The following DLG2 variants were observed in gnomAD, a reference collection of about 807,000 sequenced individuals.
DLG2 encodes the protein discs large MAGUK scaffold protein 2.
A neutral mutation model predicts 132.5 loss-of-function variants in DLG2; 45 were observed. The ratio of observed to expected loss-of-function variants is 0.34; its 90% CI spans 0.27 to 0.44. The LOEUF is 0.44. Among genes scored for constraint, DLG2 ranks in the 20% least tolerant of loss-of-function variants. DLG2 has a pLI of 1.00. For missense variants in DLG2, 1,045 were observed against 1,196.9 expected, an observed-to-expected ratio of 0.87 and a Z score of 1.87; for synonymous variants, 424 against 419.6, an observed-to-expected ratio of 1.01 and a Z score of -0.13.
chr11:83,596,716 C>T (rs539001643), intron 19 of DLG2, among the ~76,000 whole-genome samples: 7 of 152,188 alleles, frequency 4.6e-5, no homozygotes, highest in African/African-American at 9.6e-5. Flanking sequence ...GCAGTTTCCA[C>T]GTTTTAATCC....
intron 7 of DLG2, among the ~76,000 whole-genome samples, chr11:84,531,406 G>A (rs1333598261): frequency 6.6e-6 from 1 of 152,102 alleles, no homozygotes; most frequent in Non-Finnish European, 1.5e-5. Context: ...GAAATAATCT[G>A]CACACCAAAC....
chr11:84,911,785 T>G (rs1338875636), intron 6 of DLG2, among the ~76,000 whole-genome samples: 1 of 152,216 alleles, frequency 6.6e-6, no homozygotes, highest in Non-Finnish European at 1.5e-5. Flanking sequence ...TTTTCAGGAT[T>G]AGTGACCTCT....
chr11:84,358,557 A>C (rs2098631450), intron 7 of DLG2, among the ~76,000 whole-genome samples: 1 of 151,788 alleles, frequency 6.6e-6, no homozygotes, highest in Admixed American at 6.6e-5. Context: ...TGAGGTGGTA[A>C]CTTCTCTCTA....
At chr11:84,688,655 C>A (rs1438645119) in intron 6 of DLG2, among the ~76,000 whole-genome samples, 1 of 152,138 alleles carries the variant, frequency 6.6e-6, no homozygotes, top group Non-Finnish European at 1.5e-5. Context: ...GTATACTATA[C>A]ACTTAAAATT....
chr11:85,387,608 G>A (rs1178600755), intron 3 of DLG2, among the ~76,000 whole-genome samples: 2 of 152,188 alleles, frequency 1.3e-5, no homozygotes, highest in South Asian at 2.1e-4. Context: ...ACAGCTGTCA[G>A]TAAGTCAAAT....
chr11:85,355,256 T>G (rs929190071), intron 3 of DLG2, among the ~76,000 whole-genome samples: 2 of 152,172 alleles, frequency 1.3e-5, no homozygotes, highest in African/African-American at 4.8e-5. Context: ...AAGATTTGAT[T>G]AGCACTTTTA....
intron 7 of DLG2, among the ~76,000 whole-genome samples, chr11:84,518,594 A>C (rs776204434): frequency 3.8e-4 from 58 of 152,148 alleles, no homozygotes; most frequent in Non-Finnish European, 8.1e-4. Flanking sequence ...AGCTCTCAAA[A>C]CTGTCAGCAT....
chr11:83,982,331 G>A (rs1170130400), intron 11 of DLG2, among the ~76,000 whole-genome samples: 1 of 152,024 alleles, frequency 6.6e-6, no homozygotes, highest in Non-Finnish European at 1.5e-5. Context: ...GATCCATGCT[G>A]TAACATTTTA....
At chr11:83,859,926 G>C (rs1433013431) in intron 16 of DLG2, among the ~76,000 whole-genome samples, 1 of 152,198 alleles carries the variant, frequency 6.6e-6, no homozygotes, top group African/African-American at 2.4e-5. Context: ...GGCCAAGGTA[G>C]AGCTTGGGCC....
At chr11:84,613,024 A>G (rs1235211839) in intron 6 of DLG2, among the ~76,000 whole-genome samples, 1 of 152,190 alleles carries the variant, frequency 6.6e-6, no homozygotes, top group East Asian at 1.9e-4. Context: ...AAATGCAAAT[A>G]TAAATGATCA....
chr11:85,205,104 T>G (rs541536691), intron 4 of DLG2, among the ~76,000 whole-genome samples: 44 of 149,664 alleles, frequency 2.9e-4, no homozygotes, highest in Admixed American at 8.7e-4. Flanking sequence ...CATCAGTGAA[T>G]TAATGGATAA....
intron 18 of DLG2, chr11:83,693,771 T>C (rs2081398982): frequency 6.6e-6 from 1 of 152,082 alleles, no homozygotes; most frequent in African/African-American, 2.4e-5. Flanking sequence ...AGTCATTCTT[T>C]AGAAAAGGTG....
intron 15 of DLG2, among the ~76,000 whole-genome samples, chr11:83,922,253 G>A (rs977062052): frequency 6.6e-6 from 1 of 152,202 alleles, no homozygotes; most frequent in South Asian, 2.1e-4. Context: ...TTCTTTCCAT[G>A]TAAACCCTTT....
chr11:84,434,918 G>GAA lies in DLG2; in HGVS notation c.519+99650_519+99651dup, dbSNP rs770101910. Among the ~76,000 whole-genome samples, 527 of 79,200 alleles carry GAA rather than the reference G, an allele frequency of 6.7e-3. 7 individuals carry two copies. Among genetic ancestry groups the GAA allele is most frequent in the African/African-American group, 7.6e-3 (192 of 25,146 alleles). 52.0% of individuals were successfully genotyped at this position (79,200 alleles called of 152,430 possible). A position where few individuals can be genotyped will look rare whatever the true frequency, so the allele number is the denominator to read the frequency against. ...GTGAAGAAATAAACTGTCACCTACT[G>GAA]AAAAAAAAAAAAAAAAAAAGAAAAG... On this transcript the variant is annotated intron_variant, in intron 7 of 27. Transcript: ENST00000376104.
At chr11:84,215,933 A>G (rs139829150) in intron 8 of DLG2, among the ~76,000 whole-genome samples, 185 of 152,270 alleles carry the variant, frequency 1.2e-3, no homozygotes, top group Admixed American at 2.7e-3. Context: ...AAAGGGAAGA[A>G]CTGACTTGTT....
At chr11:83,641,624 C>G (rs763723062) in intron 18 of DLG2, among the ~76,000 whole-genome samples, 1 of 152,108 alleles carries the variant, frequency 6.6e-6, no homozygotes, top group Non-Finnish European at 1.5e-5. Flanking sequence ...GAGCGTGGCT[C>G]CCCTCCCAGA....
chr11:85,133,562 G>T (rs1396554318), intron 5 of DLG2, among the ~76,000 whole-genome samples: 3 of 152,130 alleles, frequency 2.0e-5, no homozygotes. Flanking sequence ...ATAGAAAAGG[G>T]TTACATTTCT....
intron 7 of DLG2, among the ~76,000 whole-genome samples, chr11:84,462,574 A>G (rs942825617): frequency 1.3e-5 from 2 of 151,142 alleles, no homozygotes; most frequent in African/African-American, 4.8e-5. Flanking sequence ...ACAGGGCTGT[A>G]AAGTCACAAT....
chr11:83,808,117 C>T (rs1459044579), intron 17 of DLG2, among the ~76,000 whole-genome samples: 2 of 152,122 alleles, frequency 1.3e-5, no homozygotes, highest in African/African-American at 4.8e-5. Context: ...GCTTTTCCAT[C>T]TCAGTAAACA....
Sources: gnomAD v4.1 joint callset for allele counts (sites outside exome capture counted in the v4.1 genomes callset) on GRCh38, gnomAD v4.1.1 for gene constraint, MANE v1.5 for transcripts, NCBI Gene and HGNC (gene_info 2026-07-23, HGNC 2026-07-21) for gene names.